The following CENPP variants were observed in gnomAD, a reference collection of about 807,000 sequenced individuals.
CENPP encodes centromere protein P.
A neutral mutation model predicts 35.6 loss-of-function variants in CENPP; 24 were observed. That is an observed-to-expected ratio of 0.67 (90% confidence interval 0.49 to 0.95). CENPP has a LOEUF of 0.95. Among genes scored for constraint, CENPP ranks in the 40% least tolerant of loss-of-function variants. CENPP has a pLI of 0.00. For missense variants in CENPP, 332 were observed against 345.3 expected, an observed-to-expected ratio of 0.96 and a Z score of 0.31; for synonymous variants, 120 against 125.5, an observed-to-expected ratio of 0.96 and a Z score of 0.29.
intron 5 of CENPP, among the ~76,000 whole-genome samples, chr9:92,549,478 C>T (rs942597057): frequency 6.6e-6 from 1 of 152,082 alleles, no homozygotes; most frequent in Non-Finnish European, 1.5e-5. Context: ...GAAACACCGT[C>T]TGTACTAAAA....
chr9:92,352,820 A>G (rs1240268558), intron 4 of CENPP, among the ~76,000 whole-genome samples: 1 of 151,736 alleles, frequency 6.6e-6, no homozygotes, highest in Non-Finnish European at 1.5e-5. Flanking sequence ...TCTCCAGCCC[A>G]CTGTCTCAAA....
intron 5 of CENPP, among the ~76,000 whole-genome samples, chr9:92,587,841 T>G (rs1406296098): frequency 1.3e-5 from 2 of 151,788 alleles, no homozygotes; most frequent in African/African-American, 4.8e-5. Context: ...ATGGTTACTT[T>G]TGAGCCAGGC....
chr9:92,564,842 ATG>A lies in CENPP; in HGVS notation c.565-46469_565-46468del, dbSNP rs1245652508. On this transcript the variant is annotated intron_variant, in intron 5 of 7. Coordinates refer to ENST00000375587, the MANE Select transcript of CENPP (RefSeq NM_001012267.3). The stretch of plus-strand genomic sequence containing the variant: ...GCACTTTCACACATTGTTGATAGAA[ATG>A]TGAATTGATAGACTCTTTATGTAGG... Among the ~76,000 whole-genome samples, 3 of 152,222 alleles carry A rather than the reference ATG, an allele frequency of 2.0e-5. No individual in the cohort carries two copies. The East Asian group carries it at 5.8e-4, about 29-fold the overall frequency.
intron 5 of CENPP, among the ~76,000 whole-genome samples, chr9:92,546,955 A>G (rs542022200): frequency 1.3e-5 from 2 of 152,166 alleles, no homozygotes; most frequent in Non-Finnish European, 2.9e-5. Flanking sequence ...CAGCATAACT[A>G]TATTACAAAC....
chr9:92,596,904 T>C (rs954207271), intron 5 of CENPP, among the ~76,000 whole-genome samples: 12 of 152,178 alleles, frequency 7.9e-5, no homozygotes, highest in African/African-American at 2.7e-4. Flanking sequence ...GACTTGGCTA[T>C]ATTCATGTCT....
intron 5 of CENPP, among the ~76,000 whole-genome samples, chr9:92,514,274 CTTTTT>C (rs1044226766): frequency 7.6e-6 from 1 of 130,744 alleles, no homozygotes; most frequent in African/African-American, 2.8e-5. Flanking sequence ...GAGTCATTTA[CTTTTT>C]TTTTTTTTTT....
rs75504913 is a variant in CENPP, at chr9:92,446,451, C to T, written c.564+66592C>T. Among the ~76,000 whole-genome samples the T allele has an allele frequency of 4.4e-3, 677 of 152,146 alleles. 3 individuals carry two copies. Among genetic ancestry groups the T allele is most frequent in the Middle Eastern group, 6.8e-3 (2 of 294 alleles). ...ATAAAAGTGCATTGGGGAAAAATGC[C>T]GTTTGCCCCTTCCTCTGTGTAATGT... On this transcript the variant is annotated intron_variant, in intron 5 of 7. Transcript: ENST00000375587.
intron 5 of CENPP, chr9:92,496,362 T>C (rs760790041): frequency 1.2e-6 from 2 of 1,605,236 alleles, no homozygotes; most frequent in Non-Finnish European, 1.7e-6. Flanking sequence ...TATGATCTTA[T>C]GCATGAAAAT....
chr9:92,611,247 G>A (rs757805927), intron 5 of CENPP, 67 bp from the exon 6 acceptor site: 818 of 1,308,654 alleles, frequency 6.3e-4, no homozygotes, highest in Non-Finnish European at 8.0e-4. Flanking sequence ...ACGGTGCCCC[G>A]TGCCCCTCCC....
At chr9:92,563,512 G>A (rs1849895260) in intron 5 of CENPP, among the ~76,000 whole-genome samples, 1 of 152,150 alleles carries the variant, frequency 6.6e-6, no homozygotes, top group Admixed American at 6.5e-5. Context: ...CTGTCTCTGT[G>A]TAAAACAGTG....
chr9:92,544,732 T>TC (rs1849392218), intron 5 of CENPP, among the ~76,000 whole-genome samples: 1 of 127,832 alleles, frequency 7.8e-6, no homozygotes, highest in Non-Finnish European at 1.6e-5. Context: ...TTTTTTTTTT[T>TC]GAGTTGGAGT....
chr9:92,469,172 T>C (rs1275195812), intron 5 of CENPP, among the ~76,000 whole-genome samples: 1 of 151,322 alleles, frequency 6.6e-6, no homozygotes, highest in Non-Finnish European at 1.5e-5. Flanking sequence ...GTGGAATCCA[T>C]TGTGTCATTT....
At chr9:92,421,162 C>T (rs1436856415) in intron 5 of CENPP, among the ~76,000 whole-genome samples, 1 of 152,156 alleles carries the variant, frequency 6.6e-6, no homozygotes, top group Non-Finnish European at 1.5e-5. Flanking sequence ...ACTTCAGCCT[C>T]CTGAGTAGCT....
intron 1 of CENPP, among the ~76,000 whole-genome samples, chr9:92,330,832 G>A (rs1325124696): frequency 5.3e-5 from 8 of 151,802 alleles, no homozygotes; most frequent in Admixed American, 3.3e-4. Flanking sequence ...AGGATTACAG[G>A]CACCCGCCAC....
chr9:92,494,076 A>T, intron 5 of CENPP: 1 of 1,596,948 alleles, frequency 6.3e-7, no homozygotes, highest in Non-Finnish European at 8.5e-7. Context: ...TTTCCTGCTT[A>T]TTGCCTCTAC....
At chr9:92,430,268 T>C (rs867518325) in intron 5 of CENPP, among the ~76,000 whole-genome samples, 1 of 152,218 alleles carries the variant, frequency 6.6e-6, no homozygotes, top group African/African-American at 2.4e-5. Flanking sequence ...TATTGTATTG[T>C]AGATCTTTTG....
At chr9:92,421,909 G>C (rs976260610) in intron 5 of CENPP, among the ~76,000 whole-genome samples, 3 of 152,092 alleles carry the variant, frequency 2.0e-5, no homozygotes, top group East Asian at 1.9e-4. Flanking sequence ...AGACAGGAAA[G>C]TCTTTTGTAG....
intron 5 of CENPP, among the ~76,000 whole-genome samples, chr9:92,387,124 G>A (rs113642084): frequency 0.036 from 5,355 of 150,056 alleles, 128 homozygotes; most frequent in South Asian, 0.087. Context: ...TGTAATCCCA[G>A]TACTTTGAGA....
rs1310337929 is a variant in CENPP, at chr9:92,416,846, A to G, written c.564+36987A>G. On this transcript the variant is annotated intron_variant, in intron 5 of 7. Coordinates refer to ENST00000375587, the MANE Select transcript of CENPP (RefSeq NM_001012267.3). ...AGAAATTGAATTATTTTCTAAAGAC[A>G]GATACATAAGTGAAGAAGGCAAACC... is the stretch of plus-strand genomic sequence containing the variant. 5.0e-6 allele frequency: 8 copies of G among 1,613,728 alleles called. No homozygotes were observed. The African/African-American group carries it at 1.1e-4, about 22-fold the overall frequency.
Sources: gnomAD v4.1 joint callset for allele counts (sites outside exome capture counted in the v4.1 genomes callset) on GRCh38, gnomAD v4.1.1 for gene constraint, MANE v1.5 for transcripts, NCBI Gene and HGNC (gene_info 2026-07-23, HGNC 2026-07-21) for gene names.